DOCK4: variants seen among roughly 807,000 people sequenced by gnomAD.
The protein encoded by DOCK4 is dedicator of cytokinesis 4, also known as dedicator of cytokinesis protein 4.
DOCK4 carries 97 observed loss-of-function variants against 268.1 expected under a neutral mutation model. The observed-to-expected ratio is 0.36, with a 90% CI of 0.31 to 0.43. The LOEUF is 0.43. Among genes scored for constraint, DOCK4 ranks in the 20% least tolerant of loss-of-function variants. DOCK4 has a pLI of 1.00. For missense variants in DOCK4, 2,145 were observed against 2,455.7 expected, an observed-to-expected ratio of 0.87 and a Z score of 2.67; for synonymous variants, 954 against 887.2, an observed-to-expected ratio of 1.08 and a Z score of -1.34.
intron 38 of DOCK4, among the ~76,000 whole-genome samples, chr7:111,765,750 C>T (rs1797722932): frequency 6.6e-6 from 1 of 152,128 alleles, no homozygotes; most frequent in Non-Finnish European, 1.5e-5. Flanking sequence ...AACAACAAAC[C>T]AAACCAAAGG....
At chr7:111,914,686 T>C (rs1479740200) in intron 13 of DOCK4, among the ~76,000 whole-genome samples, 1 of 152,110 alleles carries the variant, frequency 6.6e-6, no homozygotes, top group African/African-American at 2.4e-5. Context: ...CTACCACAAA[T>C]CTCCATCTCT....
At chr7:111,973,754 T>C (rs1243751947) in intron 8 of DOCK4, among the ~76,000 whole-genome samples, 1 of 151,950 alleles carries the variant, frequency 6.6e-6, no homozygotes, top group Non-Finnish European at 1.5e-5. Context: ...ACACAAAAAT[T>C]GGAAAGGAAT....
intron 1 of DOCK4, among the ~76,000 whole-genome samples, chr7:112,170,746 T>G (rs1818016608): frequency 6.6e-6 from 1 of 152,186 alleles, no homozygotes; most frequent in Non-Finnish European, 1.5e-5. Flanking sequence ...TTAAGTAATC[T>G]AAGAAATTTT....
intron 23 of DOCK4, among the ~76,000 whole-genome samples, chr7:111,859,562 ATTTTTTTTTTTT>A (rs140285833): frequency 3.9e-5 from 4 of 102,178 alleles, no homozygotes; most frequent in Non-Finnish European, 5.5e-5. Flanking sequence ...GTGTGTGTTA[ATTTTTTTTTTTT>A]TTTTTTTTTT....
intron 47 of DOCK4, among the ~76,000 whole-genome samples, chr7:111,740,627 C>T (rs551716048): frequency 1.4e-4 from 20 of 146,100 alleles, no homozygotes; most frequent in African/African-American, 2.3e-4. Flanking sequence ...CAGCTACTCA[C>T]GAGGCTGAGG....
intron 1 of DOCK4, among the ~76,000 whole-genome samples, chr7:112,083,216 T>C (rs1039511630): frequency 1.3e-5 from 2 of 152,100 alleles, no homozygotes; most frequent in Non-Finnish European, 2.9e-5. Flanking sequence ...AATTTTTTAT[T>C]AATATGATCT....
At chr7:111,799,495 T>C (rs1800118647) in intron 30 of DOCK4, among the ~76,000 whole-genome samples, 1 of 152,182 alleles carries the variant, frequency 6.6e-6, no homozygotes, top group African/African-American at 2.4e-5. Context: ...CCCTACACTG[T>C]TCTTTCAACC....
intron 51 of DOCK4, among the ~76,000 whole-genome samples, chr7:111,733,485 T>A (rs1795251832): frequency 6.6e-6 from 1 of 152,176 alleles, no homozygotes; most frequent in Admixed American, 6.5e-5. Flanking sequence ...CTGTTGATCG[T>A]GGGTGCTGAT....
chr7:112,096,481 C>A (rs754507543), intron 1 of DOCK4, among the ~76,000 whole-genome samples: 1 of 152,120 alleles, frequency 6.6e-6, no homozygotes, highest in South Asian at 2.1e-4. Context: ...CTGTGCCAGG[C>A]CTTTTTAGGC....
intron 25 of DOCK4, among the ~76,000 whole-genome samples, chr7:111,836,196 T>C (rs959561520): frequency 6.6e-6 from 1 of 150,698 alleles, no homozygotes; most frequent in Non-Finnish European, 1.5e-5. Flanking sequence ...CTGGGAATAA[T>C]AGAGCCTTTT....
chr7:112,102,002 C>T (rs1810744907), intron 1 of DOCK4, among the ~76,000 whole-genome samples: 1 of 152,082 alleles, frequency 6.6e-6, no homozygotes, highest in Admixed American at 6.5e-5. Context: ...GCCACCACGC[C>T]CAGCTAATTT....
chr7:112,059,629 A>T (rs1487661065), intron 1 of DOCK4, among the ~76,000 whole-genome samples: 1 of 152,204 alleles, frequency 6.6e-6, no homozygotes, highest in Non-Finnish European at 1.5e-5. Context: ...TAGATATCCA[A>T]CATTGTTTCC....
rs111743219 is a variant in DOCK4 at position 111,790,778 on chromosome 7, G to A, written c.3167-173C>T. On this transcript the variant is annotated intron_variant, in intron 30 of 52. Transcript: ENST00000428084. Reference sequence around the variant, plus strand: ...GATACAATTAAAAATTATATAAATCGGCTGGGTGCAGTGGCTCACGCCTGT... The same window carrying A: ...GATACAATTAAAAATTATATAAATCAGCTGGGTGCAGTGGCTCACGCCTGT... 9.9e-5 allele frequency among the ~76,000 whole-genome samples: 15 copies of A among 151,834 alleles called. No homozygotes were observed. The East Asian group carries it at 1.7e-3, about 18-fold the overall frequency.
intron 6 of DOCK4, among the ~76,000 whole-genome samples, chr7:111,986,649 C>T (rs1799075927): frequency 6.6e-6 from 1 of 152,166 alleles, no homozygotes; most frequent in Non-Finnish European, 1.5e-5. Context: ...AACTGATTGC[C>T]TCCTCCCACA....
At position 111,757,140 on chromosome 7, in the gene DOCK4, G is replaced by A. The variant is rs1017701201; in HGVS notation, c.4329+1484C>T. On this transcript the variant is annotated intron_variant, in intron 41 of 52. Coordinates refer to ENST00000428084, the MANE Select transcript of DOCK4 (RefSeq NM_001363540.2). ...GCGGAGGCTGAGAGGGAGGAGGGGTGAGTGGGTTGTGGTGGAGATGAGGCT... is the reference window on the plus strand; with the variant it reads ...GCGGAGGCTGAGAGGGAGGAGGGGTAAGTGGGTTGTGGTGGAGATGAGGCT... Among the ~76,000 whole-genome samples the A allele has an allele frequency of 3.3e-5, 5 of 152,058 alleles. 1 individual carries two copies. Among genetic ancestry groups the A allele is most frequent in the African/African-American group, 9.7e-5 (4 of 41,402 alleles).
intron 1 of DOCK4, among the ~76,000 whole-genome samples, chr7:112,044,922 C>T (rs1049064598): frequency 1.3e-5 from 2 of 152,170 alleles, no homozygotes; most frequent in Admixed American, 1.3e-4. Context: ...AGACCATGAG[C>T]CTCTTCCCTT....
chr7:111,995,433 G>GTGTGTGTT lies in DOCK4; in HGVS notation c.219-1203_219-1202insAACACACA, dbSNP rs1554406553. Among the ~76,000 whole-genome samples, 599 of 90,490 alleles carry GTGTGTGTT rather than the reference G, an allele frequency of 6.6e-3. 6 individuals carry two copies. Among genetic ancestry groups the GTGTGTGTT allele is most frequent in the African/African-American group, 0.03 (557 of 18,718 alleles). The allele number at this position is 90,490 out of a possible 152,430, so 59.4% of individuals were successfully genotyped here. A position where few individuals can be genotyped will look rare whatever the true frequency, so the allele number is the denominator to read the frequency against. On this transcript the variant is annotated intron_variant, in intron 4 of 52. Coordinates refer to ENST00000428084, the MANE Select transcript of DOCK4 (RefSeq NM_001363540.2). ...TTTCTTTGTGTGTGTGTGTGTGTGTGTGTGTGTGTGTGTGTGTGTGTGTGT... is the reference window on the plus strand; with the variant it reads ...TTTCTTTGTGTGTGTGTGTGTGTGTGTGTGTGTTTGTGTGTGTGTGTGTGTGTGTGTGT...
chr7:111,729,325 C>A, intron 52 of DOCK4, among the ~76,000 whole-genome samples: 1 of 152,058 alleles, frequency 6.6e-6, no homozygotes. Context: ...TTTAGAAGGC[C>A]GATGCAGGGA....
At chr7:112,135,349 T>A (rs1158212806) in intron 1 of DOCK4, among the ~76,000 whole-genome samples, 1 of 152,222 alleles carries the variant, frequency 6.6e-6, no homozygotes, top group Non-Finnish European at 1.5e-5. Context: ...ACTAAGCATC[T>A]ATCTATTCTT....
Sources: allele counts gnomAD v4.1 joint callset (sites outside exome capture counted in the v4.1 genomes callset), GRCh38; gene constraint gnomAD v4.1.1; transcripts MANE v1.5; gene names NCBI Gene and HGNC (gene_info 2026-07-23, HGNC 2026-07-21).